The following BPNT2 variants were observed in gnomAD, a reference collection of about 807,000 sequenced individuals.
BPNT2 encodes Golgi-resident adenosine 3',5'-bisphosphate 3'-phosphatase.
A neutral mutation model predicts 29.3 loss-of-function variants in BPNT2; 11 were observed. That is an observed-to-expected ratio of 0.38 (90% CI 0.24 to 0.62). The LOEUF (loss-of-function observed/expected upper bound fraction) is 0.62, where lower values mean the gene tolerates loss of function less well. Ranked by LOEUF, BPNT2 falls within the 20% of genes least tolerant of loss-of-function variation. The pLI is 0.62. For missense variants in BPNT2, 459 were observed against 473.4 expected, an observed-to-expected ratio of 0.97 and a Z score of 0.28; for synonymous variants, 195 against 187.7, an observed-to-expected ratio of 1.04 and a Z score of -0.32.
intron 1 of BPNT2, 86 bp downstream of exon 1, chr8:56,993,113 G>A: frequency 6.5e-7 from 1 of 1,533,388 alleles, no homozygotes; most frequent in Non-Finnish European, 8.7e-7. Context: ...AATGGAACCA[G>A]AAGCTCCACA....
intron 3 of BPNT2, among the ~76,000 whole-genome samples, chr8:56,972,251 A>G (rs1806049770): frequency 6.6e-6 from 1 of 152,154 alleles, no homozygotes; most frequent in Non-Finnish European, 1.5e-5. Context: ...GCAAACTTTG[A>G]ATAACACCCA....
At chr8:56,966,145 C>G (rs1275849954) in intron 4 of BPNT2, 46 bp downstream of exon 4, 1 of 1,597,648 alleles carries the variant, frequency 6.3e-7, no homozygotes, top group African/African-American at 1.3e-5. Flanking sequence ...TAGCCTTGAC[C>G]ATGCCAGGAA....
chr8:56,963,454 C>T lies in BPNT2; in HGVS notation c.*339G>A, dbSNP rs1450627318. 1 of 236,322 alleles carries T rather than the reference C, an allele frequency of 4.2e-6. No individual in the cohort carries two copies. The highest frequency in any genetic ancestry group is 2.3e-5 in the African/African-American group (1 of 44,362). 14.6% of individuals were successfully genotyped at this position (236,322 alleles called of 1,614,324 possible). A position where few individuals can be genotyped will look rare whatever the true frequency, so the allele number is the denominator to read the frequency against. On this transcript the variant is annotated 3_prime_UTR_variant, in exon 5 of 5. Transcript: ENST00000262644. The stretch of plus-strand genomic sequence containing the variant: ...TTCAACCGAATTCTATATGAAAGTA[C>T]TAACAGTGAAGATTCATGATGTTGT...
intron 3 of BPNT2, among the ~76,000 whole-genome samples, chr8:56,970,443 G>A (rs921740586): frequency 1.3e-5 from 2 of 152,128 alleles, no homozygotes; most frequent in Admixed American, 6.5e-5. Context: ...CCATTCTAAA[G>A]GAGAAATGAC....
At position 56,978,101 on chromosome 8, in the gene BPNT2, T is replaced by C; in HGVS notation, c.595A>G (p.Asn199Asp). The C allele has an allele frequency of 6.2e-7, 1 of 1,612,734 alleles. No homozygotes were observed. The highest frequency in any genetic ancestry group is 8.5e-7 in the Non-Finnish European group (1 of 1,179,024). ...ATAACTCCTAGCATGGGTTTACCAT[T>C]TACAGCCACACACACCATAGTAGTG... ...YVTTMVCVAV[N>D]GKPMLGVIHK... Residue 199 changes from asparagine (N) to aspartate (D), a missense_variant, in exon 3 of 5, where the codon AAT becomes GAT. By Grantham distance (23) the Asn-to-Asp change is conservative. Transcript: ENST00000262644.
Position 56,967,969 on chromosome 8 carries a change from G to C in BPNT2, c.647-1617C>G, listed in dbSNP as rs545607947. Among the ~76,000 whole-genome samples the C allele has an allele frequency of 1.1e-4, 17 of 151,924 alleles. 1 individual carries two copies. Among genetic ancestry groups the C allele is most frequent in the Admixed American group, 2.0e-4 (3 of 15,250 alleles). On this transcript the variant is annotated intron_variant, in intron 3 of 4. Transcript: ENST00000262644. ...AATCCCACAATAGCTGGCCCAAACAGGGATAAGAAGTATAAAACTGCAATG... is the reference window on the plus strand; with the variant it reads ...AATCCCACAATAGCTGGCCCAAACACGGATAAGAAGTATAAAACTGCAATG...
Position 56,993,311 on chromosome 8 carries a change from T to C in BPNT2, c.275A>G (p.Glu92Gly). 6.2e-7 allele frequency: 1 copy of C among 1,612,254 alleles called. No individual in the cohort carries two copies. Among genetic ancestry groups the C allele is most frequent in the Non-Finnish European group, 8.5e-7 (1 of 1,179,934 alleles). The change falls in exon 1 of 5, where the codon GAG becomes GGG. Residue 92 changes from glutamate (E) to glycine (G), a missense_variant. Physicochemically the swap from Glu to Gly is moderately conservative, Grantham distance 98. Transcript: ENST00000262644. ...CTCGCGCGTCTTCCCCTTGGACTTC[T>C]CGTGGAGGACGTTGCTCTCGCGGAC... ...RRVRESNVLHEKSKGKTREGA... is the reference protein window; with the variant it reads ...RRVRESNVLHGKSKGKTREGA...
rs1407634125 is a variant in BPNT2 at position 56,992,695 on chromosome 8, C to CA, written c.387+503dup. ...TGAGCATACTCATCCCCCACCCCCCCACCCCGACTCCCGCGAGCGCACACA... is the reference window on the plus strand; with the variant it reads ...TGAGCATACTCATCCCCCACCCCCCCAACCCCGACTCCCGCGAGCGCACACA... On this transcript the variant is annotated intron_variant, in intron 1 of 4. Transcript: ENST00000262644. 8.2e-5 allele frequency among the ~76,000 whole-genome samples: 12 copies of CA among 147,028 alleles called. 1 individual carries two copies. The highest frequency in any genetic ancestry group is 3.0e-4 in the African/African-American group (12 of 39,486).
At chr8:56,966,058 A>T in intron 4 of BPNT2, 133 bp downstream of exon 4, 1 of 956,124 alleles carries the variant, frequency 1.0e-6, no homozygotes. Context: ...CAAACAGGAG[A>T]CCAAGCCTGT....
In BPNT2 at chr8:56,980,005, C is replaced by A; in HGVS notation, c.550+30G>T. On this transcript the variant is annotated intron_variant, in intron 2 of 4. Coordinates refer to ENST00000262644, the MANE Select transcript of BPNT2 (RefSeq NM_017813.5). ...TGGTTCTCTACTACTAAACGTCAAT[C>A]AAATGTTTTGAGTTCAGTTTAAAAA... 3 of 1,610,144 alleles carry A rather than the reference C, an allele frequency of 1.9e-6. No individual in the cohort carries two copies. In the South Asian group the frequency reaches 3.3e-5, roughly 18 times the overall value.
intron 3 of BPNT2, among the ~76,000 whole-genome samples, chr8:56,972,418 T>G (rs1806054370): frequency 6.6e-6 from 1 of 151,348 alleles, no homozygotes; most frequent in Non-Finnish European, 1.5e-5. Context: ...GAATACAGCG[T>G]AAGAATAATT....
intron 3 of BPNT2, among the ~76,000 whole-genome samples, chr8:56,970,473 T>C (rs1030051686): frequency 6.6e-6 from 1 of 152,064 alleles, no homozygotes; most frequent in African/African-American, 2.4e-5. Context: ...CCAACATCAA[T>C]GTCATGGGGG....
In BPNT2 at chr8:56,960,305, T is replaced by TG. The variant is rs1271467735; in HGVS notation, c.*3487dup. ...CAACATGAAACAAGGACAGATATCC[T>TG]GATCCTGGGGTGACCAGGGTAGATG... On this transcript the variant is annotated 3_prime_UTR_variant, in exon 5 of 5. Coordinates refer to ENST00000262644, the MANE Select transcript of BPNT2 (RefSeq NM_017813.5). The TG allele has an allele frequency of 6.6e-6, 1 of 152,222 alleles. No homozygotes were observed. The highest frequency in any genetic ancestry group is 3.2e-3 in the Middle Eastern group (1 of 316). 9.4% of individuals were successfully genotyped at this position (152,222 alleles called of 1,614,324 possible).
In BPNT2 at chr8:56,960,583, T is replaced by C. The variant is rs953996975; in HGVS notation, c.*3210A>G. The C allele has an allele frequency of 1.3e-5, 2 of 152,200 alleles. No individual in the cohort carries two copies. The highest frequency in any genetic ancestry group is 2.9e-5 in the Non-Finnish European group (2 of 68,022). The allele number at this position is 152,200 out of a possible 1,614,324, so 9.4% of individuals were successfully genotyped here. A position where few individuals can be genotyped will look rare whatever the true frequency, so the allele number is the denominator to read the frequency against. On this transcript the variant is annotated 3_prime_UTR_variant, in exon 5 of 5. Transcript: ENST00000262644. Reference sequence around the variant, plus strand: ...TAAAATAAAGAAAGAAACACTAAAATTGGGGTAGCACATACCAAGACAAAC... The same window carrying C: ...TAAAATAAAGAAAGAAACACTAAAACTGGGGTAGCACATACCAAGACAAAC...
chr8:56,993,298 C>A lies in BPNT2; in HGVS notation c.288G>T (p.Gly96=). ...ESNVLHEKSK[G]KTREGAEDKM... is the part of the protein sequence containing the mutation. ...TGTCCTCGGCTCCCTCGCGCGTCTT[C>A]CCCTTGGACTTCTCGTGGAGGACGT... Residue 96 remains glycine, a synonymous_variant, in exon 1 of 5, where the codon GGG becomes GGT. Coordinates refer to ENST00000262644, the MANE Select transcript of BPNT2 (RefSeq NM_017813.5). The A allele has an allele frequency of 1.2e-6, 2 of 1,612,280 alleles. No individual in the cohort carries two copies. The highest frequency in any genetic ancestry group is 1.6e-4 in the Middle Eastern group (1 of 6,062).
At chr8:56,982,576 T>G (rs936456675) in intron 1 of BPNT2, among the ~76,000 whole-genome samples, 2 of 152,152 alleles carry the variant, frequency 1.3e-5, no homozygotes, top group African/African-American at 4.8e-5. Flanking sequence ...AGACAAAAAT[T>G]TCTGCCCTGT....
intron 1 of BPNT2, among the ~76,000 whole-genome samples, chr8:56,980,636 T>A (rs1013924749): frequency 2.0e-5 from 3 of 151,764 alleles, no homozygotes; most frequent in Non-Finnish European, 2.9e-5. Context: ...TCTACCTTTT[T>A]TTTTTTAACT....
chr8:56,971,037 CA>C (rs1274056220), intron 3 of BPNT2, among the ~76,000 whole-genome samples: 6 of 152,012 alleles, frequency 3.9e-5, no homozygotes, highest in African/African-American at 1.2e-4. Flanking sequence ...TAGCATATCT[CA>C]GTACATACTA....
chr8:56,976,202 A>C (rs1239644675), intron 3 of BPNT2, among the ~76,000 whole-genome samples: 1 of 152,168 alleles, frequency 6.6e-6, no homozygotes, highest in African/African-American at 2.4e-5. Flanking sequence ...TGAAGTGGTG[A>C]GCCATCCTCA....
Sources: gnomAD v4.1 joint callset for allele counts (sites outside exome capture counted in the v4.1 genomes callset) on GRCh38, gnomAD v4.1.1 for gene constraint, MANE v1.5 for transcripts, NCBI Gene and HGNC (gene_info 2026-07-23, HGNC 2026-07-21) for gene names.